ANOS1: variants seen among roughly 807,000 people sequenced by gnomAD.
ANOS1 encodes anosmin-1.
A neutral mutation model predicts 59.0 loss-of-function variants in ANOS1; 6 were observed. The observed-to-expected ratio is 0.10, with a 90% CI of 0.06 to 0.20. ANOS1 has a LOEUF of 0.20. Among genes scored for constraint, ANOS1 ranks in the 10% least tolerant of loss-of-function variants. The pLI is 1.00. For synonymous variants in ANOS1, 217 were observed against 223.4 expected (o/e 0.97, Z 0.25); for missense variants, 433 against 542.3 (o/e 0.80, Z 2.00).
chrX:8,563,831 G>C (rs1930069534), intron 8 of ANOS1, among the ~76,000 whole-genome samples: 1 of 112,128 alleles, frequency 8.9e-6, no homozygotes, highest in South Asian at 3.7e-4. Flanking sequence ...GTAAAAGGAA[G>C]TCTCCCAAGT....
chrX:8,604,260 C>G (rs1254352293), intron 3 of ANOS1, among the ~76,000 whole-genome samples: 1 of 111,335 alleles, frequency 9.0e-6, no homozygotes. Flanking sequence ...TCCCAGGGAG[C>G]TTCTAAAACT....
intron 9 of ANOS1, among the ~76,000 whole-genome samples, chrX:8,548,160 C>T (rs1445656402): frequency 1.8e-5 from 2 of 112,358 alleles, no homozygotes; most frequent in African/African-American, 6.5e-5. Context: ...AACAACCAGA[C>T]CTTTCTTCCC....
chrX:8,631,772 G>A (rs1931493468), intron 2 of ANOS1, among the ~76,000 whole-genome samples: 2 of 111,669 alleles, frequency 1.8e-5, no homozygotes, highest in African/African-American at 3.3e-5. Flanking sequence ...GAGAGGCAAC[G>A]TATCACTCCT....
chrX:8,620,440 T>C (rs905565992), intron 3 of ANOS1, among the ~76,000 whole-genome samples: 3 of 111,864 alleles, frequency 2.7e-5, no homozygotes, highest in African/African-American at 6.5e-5. Context: ...CTAGAGTCCC[T>C]TCTGGGTCTG....
At chrX:8,685,685 G>GGGAA (rs1194363216) in intron 2 of ANOS1, among the ~76,000 whole-genome samples, 3 of 102,610 alleles carry the variant, frequency 2.9e-5, no homozygotes, top group African/African-American at 1.1e-4. Flanking sequence ...GAGGGAGGAA[G>GGGAA]GGAAGGAAGG....
intron 9 of ANOS1, 123 bp downstream of exon 9, chrX:8,553,829 T>G: frequency 1.7e-6 from 1 of 584,514 alleles, no homozygotes; most frequent in Non-Finnish European, 2.9e-6. Context: ...CATTCAGACT[T>G]GTGTTCAACA....
chrX:8,609,868 G>A (rs1025606271), intron 3 of ANOS1, among the ~76,000 whole-genome samples: 8 of 107,033 alleles, frequency 7.5e-5, no homozygotes, highest in Admixed American at 3.0e-4. Flanking sequence ...TTAGCTGGGC[G>A]TGGTGGTGGG....
chrX:8,685,042 G>A (rs1312443291), intron 2 of ANOS1, among the ~76,000 whole-genome samples: 3 of 110,742 alleles, frequency 2.7e-5, no homozygotes, highest in African/African-American at 9.8e-5. Context: ...GGCCCCTGCG[G>A]CTCTCACAGT....
chrX:8,535,685 G>T lies in ANOS1; in HGVS notation c.1748C>A (p.Thr583Asn). 1 of 1,210,418 alleles carries T rather than the reference G, an allele frequency of 8.3e-7. No homozygotes were observed. Among genetic ancestry groups the T allele is most frequent in the Non-Finnish European group, 1.1e-6 (1 of 893,928 alleles). Reference sequence around the variant, plus strand: ...CTCAGCCCAAGTCACTTGAAACCCAGTCATGGGCTGATAGAGATTGGCCTT... The same window carrying T: ...CTCAGCCCAAGTCACTTGAAACCCATTCATGGGCTGATAGAGATTGGCCTT... ...MAKANLYQPM[T>N]GFQVTWAEVT... Residue 583 changes from threonine to asparagine, a missense_variant, in exon 12 of 14, where the codon ACT becomes AAT. Physicochemically the swap from Thr to Asn is moderately conservative, Grantham distance 65 (BLOSUM62 0). Transcript: ENST00000262648.
chrX:8,551,376 G>A (rs1929853372), intron 9 of ANOS1, among the ~76,000 whole-genome samples: 2 of 112,170 alleles, frequency 1.8e-5, no homozygotes, highest in South Asian at 3.7e-4. Context: ...GGAGCAGTGC[G>A]CCTGTAATCC....
intron 1 of ANOS1, among the ~76,000 whole-genome samples, chrX:8,721,988 A>G (rs1356857945): frequency 1.8e-5 from 2 of 111,807 alleles, no homozygotes; most frequent in Non-Finnish European, 3.8e-5. Flanking sequence ...GCTAGCAGTT[A>G]TGAGACTTTC....
chrX:8,616,458 T>C (rs189799094), intron 3 of ANOS1, among the ~76,000 whole-genome samples: 3 of 111,692 alleles, frequency 2.7e-5, no homozygotes, highest in Admixed American at 9.6e-5. Context: ...AGTACCTTCA[T>C]GCATGGCATT....
rs1046805528 is a variant in ANOS1 at position 8,732,072 on chromosome X, C to T, written c.-36G>A. On this transcript the variant is annotated 5_prime_UTR_variant, in exon 1 of 14. Coordinates refer to ENST00000262648, the MANE Select transcript of ANOS1 (RefSeq NM_000216.4). ...CGAGGGCGAGGGCGAGGGCGCCGGG[C>T]GCGGGCCGAGGCTCCCTGCTCCGCG... is the stretch of plus-strand genomic sequence containing the variant. 5.6e-6 allele frequency: 5 copies of T among 900,625 alleles called. No homozygotes were observed. The highest frequency in any genetic ancestry group is 6.9e-6 in the Non-Finnish European group (5 of 727,018). 74.2% of individuals were successfully genotyped at this position (900,625 alleles called of 1,213,427 possible). A position where few individuals can be genotyped will look rare whatever the true frequency, so the allele number is the denominator to read the frequency against.
intron 5 of ANOS1, 32 bp from the exon 6 acceptor site, chrX:8,585,428 A>G: frequency 8.3e-7 from 1 of 1,208,046 alleles, no homozygotes; most frequent in Non-Finnish European, 1.1e-6. Context: ...CACAGGGAAC[A>G]TGTCACTTTT....
intron 3 of ANOS1, among the ~76,000 whole-genome samples, chrX:8,618,712 A>G (rs1931218576): frequency 8.9e-6 from 1 of 112,347 alleles, no homozygotes; most frequent in East Asian, 2.8e-4. Context: ...GAATGTTTCA[A>G]CCTAGGAAAA....
At chrX:8,621,628 C>A (rs1490745560) in intron 3 of ANOS1, among the ~76,000 whole-genome samples, 1 of 112,184 alleles carries the variant, frequency 8.9e-6, no homozygotes, top group Non-Finnish European at 1.9e-5. Context: ...CTGTACCATG[C>A]ACTTACATTC....
intron 6 of ANOS1, among the ~76,000 whole-genome samples, chrX:8,580,668 T>A (rs1930405640): frequency 8.9e-6 from 1 of 112,216 alleles, no homozygotes; most frequent in Non-Finnish European, 1.9e-5. Flanking sequence ...GAAGTTTGGC[T>A]TTTCCATGAA....
chrX:8,668,732 G>C (rs760218062), intron 2 of ANOS1, among the ~76,000 whole-genome samples: 47 of 109,415 alleles, frequency 4.3e-4, no homozygotes, highest in Non-Finnish European at 8.7e-4. Context: ...CACGTCTATA[G>C]TACCAGAATT....
intron 2 of ANOS1, among the ~76,000 whole-genome samples, chrX:8,687,196 AG>A (rs1932535556): frequency 9.0e-6 from 1 of 111,195 alleles, no homozygotes; most frequent in Admixed American, 9.6e-5. Context: ...ATCAAGGCAT[AG>A]ATTCTAGAGC....
Sources: gnomAD v4.1 joint callset for allele counts (sites outside exome capture counted in the v4.1 genomes callset) on GRCh38, gnomAD v4.1.1 for gene constraint, MANE v1.5 for transcripts, NCBI Gene and HGNC (gene_info 2026-07-23, HGNC 2026-07-21) for gene names.